Variants in SOHLH2 observed in about 807,000 individuals in gnomAD.
SOHLH2 encodes the protein spermatogenesis- and oogenesis-specific basic helix-loop-helix-containing protein 2.
Under a neutral mutation model 50.4 loss-of-function variants are expected in SOHLH2, and 22 were observed. That is an observed-to-expected ratio of 0.44 (90% CI 0.31 to 0.62). SOHLH2 has a LOEUF of 0.62. SOHLH2 is among the 20% of genes least tolerant of loss of function. The pLI is 0.08. For missense variants in SOHLH2, 412 were observed against 504.4 expected, an observed-to-expected ratio of 0.82 and a Z score of 1.76; for synonymous variants, 185 against 187.3, an observed-to-expected ratio of 0.99 and a Z score of 0.10.
At chr13:36,174,408 C>A (rs1887046416) in intron 8 of SOHLH2, 68 bp downstream of exon 8, 4 of 1,592,672 alleles carry the variant, frequency 2.5e-6, no homozygotes, top group East Asian at 2.2e-5. Flanking sequence ...TTTTTGTGTA[C>A]ATATTTAGCA....
Position 36,190,003 on chromosome 13 carries a change from T to C in SOHLH2, c.584A>G (p.Glu195Gly), listed in dbSNP as rs1378304456. Reference sequence around the variant, plus strand: ...AGAGATCTTTTTGTTTTTCTCGAACTCTGACAACGAAGCATTTAATTCAAG... The same window carrying C: ...AGAGATCTTTTTGTTTTTCTCGAACCCTGACAACGAAGCATTTAATTCAAG... Reference protein sequence around the residue: ...NGLELNASLSEFEKNKKISLL... With the variant: ...NGLELNASLSGFEKNKKISLL... The change falls in exon 6 of 11, where the codon GAG (glutamate) becomes GGG (glycine). Residue 195 changes from glutamate to glycine, a missense_variant. Transcript: ENST00000379881. The C allele has an allele frequency of 1.2e-6, 2 of 1,608,340 alleles. No individual in the cohort carries two copies. Among genetic ancestry groups the C allele is most frequent in the Non-Finnish European group, 1.7e-6 (2 of 1,176,548 alleles).
In SOHLH2 at chr13:36,174,556, T is replaced by G. The variant is rs1177704952; in HGVS notation, c.801A>C (p.Ala267=). The part of the protein sequence containing the change: ...SPAVMAQITE[A]LQSNMRFCKK... The stretch of plus-strand genomic sequence containing the variant: ...TACAAAACCTCATGTTGCTCTGAAG[T>G]GCTTCTGTAATCTAAAAAACACAGA... Residue 267 remains alanine (A), a synonymous_variant, in exon 8 of 11, where the codon GCA becomes GCC. Coordinates refer to ENST00000379881, the MANE Select transcript of SOHLH2 (RefSeq NM_017826.3). 1 of 1,614,036 alleles carries G rather than the reference T, an allele frequency of 6.2e-7. No individual in the cohort carries two copies. Among genetic ancestry groups the G allele is most frequent in the Non-Finnish European group, 8.5e-7 (1 of 1,180,036 alleles).
At chr13:36,190,324 G>C (rs1887537801) in intron 5 of SOHLH2, among the ~76,000 whole-genome samples, 1 of 152,058 alleles carries the variant, frequency 6.6e-6, no homozygotes, top group African/African-American at 2.4e-5. Flanking sequence ...ATACAAGCAG[G>C]ATTAAAACAT....
rs570522792 is a variant in SOHLH2 at position 36,188,565 on chromosome 13, T to G, written c.641+1381A>C. 4.6e-5 allele frequency among the ~76,000 whole-genome samples: 7 copies of G among 152,310 alleles called. No homozygotes were observed. In the East Asian group the frequency reaches 1.4e-3, roughly 29 times the overall value. ...AAGATCAATGACATCTAGGTCTGGC[T>G]CAATACAAATAGTCAGTTACCAGCT... On this transcript the variant is annotated intron_variant, in intron 6 of 10. Transcript: ENST00000379881.
intron 6 of SOHLH2, among the ~76,000 whole-genome samples, chr13:36,184,308 A>T (rs1942774054): frequency 6.6e-6 from 1 of 152,180 alleles, no homozygotes; most frequent in Admixed American, 6.5e-5. Context: ...TTTGAACTGA[A>T]TGATAGTGGA....
rs1887639558 is a variant in SOHLH2, at chr13:36,193,602, T to C, written c.430+19A>G. ...GATTTTAATTCAAATTTTGAAACCT[T>C]TGGAAATTTTTTACTCACCAGTGTT... On this transcript the variant is annotated intron_variant, in intron 4 of 10. Coordinates refer to ENST00000379881, the MANE Select transcript of SOHLH2 (RefSeq NM_017826.3). 1.9e-6 allele frequency: 3 copies of C among 1,577,256 alleles called. No individual in the cohort carries two copies. Among genetic ancestry groups the C allele is most frequent in the East Asian group, 2.3e-5 (1 of 43,920 alleles).
At chr13:36,178,935 A>G (rs902618749) in intron 6 of SOHLH2, among the ~76,000 whole-genome samples, 2 of 151,996 alleles carry the variant, frequency 1.3e-5, no homozygotes, top group African/African-American at 4.8e-5. Flanking sequence ...TATATAAAAT[A>G]CCATTGATTT....
In SOHLH2 at chr13:36,173,780, A is replaced by AG; in HGVS notation, c.911dup (p.Glu305Ter). On this transcript the variant is annotated frameshift_variant, in exon 9 of 11. Coordinates refer to ENST00000379881, the MANE Select transcript of SOHLH2 (RefSeq NM_017826.3). LOFTEE classifies it high-confidence loss of function. Reference sequence around the variant, plus strand: ...TAGTCAGGAATTGGAGCCCTCTCTCAGGGGAGTAAGTGCTCATCACACTGT... The same window carrying AG: ...TAGTCAGGAATTGGAGCCCTCTCTCAGGGGGAGTAAGTGCTCATCACACTGT... The AG allele has an allele frequency of 6.2e-7, 1 of 1,614,094 alleles. No homozygotes were observed. The highest frequency in any genetic ancestry group is 8.5e-7 in the Non-Finnish European group (1 of 1,180,030).
chr13:36,214,392 C>T (rs3762116), intron 1 of SOHLH2, 87 bp downstream of exon 1: 684,537 of 1,486,896 alleles, frequency 0.46, 161,046 homozygotes, highest in Non-Finnish European at 0.48. Flanking sequence ...CTCCCCAGGC[C>T]GGGCTTTGAG....
chr13:36,208,165 A>G (rs1308603689), intron 1 of SOHLH2, among the ~76,000 whole-genome samples: 9 of 152,050 alleles, frequency 5.9e-5, no homozygotes, highest in Admixed American at 5.9e-4. Context: ...CAAATATCCC[A>G]TTTCTCCTGA....
chr13:36,189,074 ACTTATC>A (rs1053710625), intron 6 of SOHLH2, among the ~76,000 whole-genome samples: 18 of 152,166 alleles, frequency 1.2e-4, no homozygotes, highest in African/African-American at 4.3e-4. Flanking sequence ...GTTACACCTC[ACTTATC>A]CTTAGCCATG....
In SOHLH2 at chr13:36,168,706, C is replaced by T. The variant is rs908125785; in HGVS notation, c.*328G>A. 12 of 364,484 alleles carry T rather than the reference C, an allele frequency of 3.3e-5. No individual in the cohort carries two copies. The highest frequency in any genetic ancestry group is 2.3e-4 in the African/African-American group (11 of 47,822). 22.6% of individuals were successfully genotyped at this position (364,484 alleles called of 1,614,324 possible). ...ATTTTATCGTGTCTACATGGATCTTCCTTATAGCATGCTTTTTTCATAAAT... is the reference window on the plus strand; with the variant it reads ...ATTTTATCGTGTCTACATGGATCTTTCTTATAGCATGCTTTTTTCATAAAT... On this transcript the variant is annotated 3_prime_UTR_variant, in exon 11 of 11. Transcript: ENST00000379881.
At chr13:36,171,628 C>T (rs1886963474) in intron 9 of SOHLH2, among the ~76,000 whole-genome samples, 1 of 152,162 alleles carries the variant, frequency 6.6e-6, no homozygotes, top group Admixed American at 6.5e-5. Flanking sequence ...CTTCCAGGAA[C>T]CCATTATACT....
At chr13:36,205,405 A>G (rs2138325518) in intron 1 of SOHLH2, among the ~76,000 whole-genome samples, 1 of 152,262 alleles carries the variant, frequency 6.6e-6, no homozygotes, top group East Asian at 1.9e-4. Flanking sequence ...AAGATTTCTG[A>G]TCAATATCCT....
intron 4 of SOHLH2, 25 bp downstream of exon 4, chr13:36,193,595 GA>G (rs761347686): frequency 1.3e-6 from 2 of 1,571,346 alleles, no homozygotes; most frequent in East Asian, 2.3e-5. Context: ...TTCAAATTTT[GA>G]AACCTTTGGA....
chr13:36,174,837 C>T lies in SOHLH2; in HGVS notation c.674G>A (p.Arg225His), dbSNP rs764959799. Residue 225 changes from arginine to histidine, a missense_variant, in exon 7 of 11, where the codon CGT becomes CAT. By Grantham distance (29) the Arg-to-His change is conservative. Coordinates refer to ENST00000379881, the MANE Select transcript of SOHLH2 (RefSeq NM_017826.3). Reference protein sequence around the residue: ...ERIKYCCEQLRTLLPYVKGRK... With the variant: ...ERIKYCCEQLHTLLPYVKGRK... ...CCCTTTTACATACGGCAAGAGAGTA[C>T]GCAGCTGCTCACAGCAATATTTGAT... The T allele has an allele frequency of 5.7e-6, 9 of 1,591,104 alleles. No homozygotes were observed. Among genetic ancestry groups the T allele is most frequent in the East Asian group, 2.2e-5 (1 of 44,814 alleles).
rs1886885724 is a variant in SOHLH2 at position 36,168,763 on chromosome 13, G to A, written c.*271C>T. On this transcript the variant is annotated 3_prime_UTR_variant, in exon 11 of 11. Coordinates refer to ENST00000379881, the MANE Select transcript of SOHLH2 (RefSeq NM_017826.3). ...ATATTTTTTGAGAAAAGAGAGTGTA[G>A]GTCACTGAGGCCATTTGTTCTTGTA... 4.4e-6 allele frequency: 2 copies of A among 452,708 alleles called. No homozygotes were observed. Among genetic ancestry groups the A allele is most frequent in the South Asian group, 5.8e-5 (1 of 17,106 alleles). 28.0% of individuals were successfully genotyped at this position (452,708 alleles called of 1,614,324 possible).
rs1229884029 is a variant in SOHLH2 at position 36,184,460 on chromosome 13, C to CTTTTTTTTTTTTTTTTTTTTTTT, written c.641+5485_641+5486insAAAAAAAAAAAAAAAAAAAAAAA. Among the ~76,000 whole-genome samples the CTTTTTTTTTTTTTTTTTTTTTTT allele has an allele frequency of 8.0e-3, 967 of 120,856 alleles. 86 individuals carry two copies. The highest frequency in any genetic ancestry group is 9.7e-3 in the Non-Finnish European group (546 of 56,560). The allele number at this position is 120,856 out of a possible 152,430, so 79.3% of individuals were successfully genotyped here. ...GATGGAAGTTTCTACCTACAAAGAC[C>CTTTTTTTTTTTTTTTTTTTTTTT]TTTTTTTTTTTTTTTTTTTGAGACG... On this transcript the variant is annotated intron_variant, in intron 6 of 10. Coordinates refer to ENST00000379881, the MANE Select transcript of SOHLH2 (RefSeq NM_017826.3).
At chr13:36,185,012 C>A (rs1255887496) in intron 6 of SOHLH2, among the ~76,000 whole-genome samples, 1 of 152,000 alleles carries the variant, frequency 6.6e-6, no homozygotes, top group Non-Finnish European at 1.5e-5. Context: ...ATGAGTGAGA[C>A]CATGCGGTAT....
Sources: allele counts gnomAD v4.1 joint callset (sites outside exome capture counted in the v4.1 genomes callset), GRCh38; gene constraint gnomAD v4.1.1; transcripts MANE v1.5; gene names NCBI Gene and HGNC (gene_info 2026-07-23, HGNC 2026-07-21).